The following MBNL1 variants were observed in gnomAD, a reference collection of about 807,000 sequenced individuals.
MBNL1 encodes muscleblind like splicing regulator 1, also known as muscleblind-like protein 1.
In MBNL1, 8 loss-of-function variants were observed where a neutral mutation model predicts 42.2. That is an observed-to-expected ratio of 0.19 (90% confidence interval 0.11 to 0.34). MBNL1 has a LOEUF of 0.34. MBNL1 is among the 10% of genes least tolerant of loss of function. The pLI is 1.00. For synonymous variants in MBNL1, 169 were observed against 173.9 expected (o/e 0.97, Z 0.22); for missense variants, 309 against 495.3 (o/e 0.62, Z 3.57).
intron 2 of MBNL1, among the ~76,000 whole-genome samples, chr3:152,325,345 T>A (rs2079101488): frequency 6.6e-6 from 1 of 151,988 alleles, no homozygotes; most frequent in South Asian, 2.1e-4. Flanking sequence ...TTCCACAGCC[T>A]ACGACTTACA....
intron 1 of MBNL1, among the ~76,000 whole-genome samples, chr3:152,283,215 C>G (rs1239078890): frequency 6.6e-6 from 1 of 152,162 alleles, no homozygotes; most frequent in Non-Finnish European, 1.5e-5. Context: ...GGGGAATGAG[C>G]TTTACTTGGT....
At chr3:152,447,535 T>G in intron 5 of MBNL1, 85 bp from the exon 6 acceptor site, 1 of 1,068,640 alleles carries the variant, frequency 9.4e-7, no homozygotes, top group Non-Finnish European at 1.3e-6. Context: ...TCATGCTTCC[T>G]AACAATTTTA....
chr3:152,426,510 A>G (rs577582845), intron 3 of MBNL1, among the ~76,000 whole-genome samples: 1 of 152,294 alleles, frequency 6.6e-6, no homozygotes, highest in South Asian at 2.1e-4. Flanking sequence ...TGCAACCTGG[A>G]GACCTCTGGT....
intron 2 of MBNL1, among the ~76,000 whole-genome samples, chr3:152,408,960 T>A (rs1223632645): frequency 6.6e-6 from 1 of 152,184 alleles, no homozygotes; most frequent in African/African-American, 2.4e-5. Context: ...ATTGTGAACA[T>A]CTTTTTAGGA....
chr3:152,318,873 A>G (rs1430267921), intron 2 of MBNL1, among the ~76,000 whole-genome samples: 3 of 152,200 alleles, frequency 2.0e-5, no homozygotes, highest in Non-Finnish European at 4.4e-5. Flanking sequence ...AAATTGTAAT[A>G]TCCTGCCTAT....
chr3:152,440,967 GT>G (rs1469792077), intron 4 of MBNL1, among the ~76,000 whole-genome samples: 5 of 152,118 alleles, frequency 3.3e-5, no homozygotes, highest in African/African-American at 4.8e-5. Flanking sequence ...CTTTGAATAC[GT>G]TTCTTAATAT....
intron 7 of MBNL1, 25 bp from the exon 8 acceptor site, chr3:152,456,242 G>A (rs775152673): frequency 4.6e-6 from 7 of 1,526,566 alleles, no homozygotes; most frequent in Non-Finnish European, 5.5e-6. Flanking sequence ...CTGTATGTTC[G>A]CTTATATGAT....
intron 2 of MBNL1, 110 bp from the exon 3 acceptor site, chr3:152,414,831 G>T: frequency 1.0e-6 from 1 of 1,002,366 alleles, no homozygotes. Context: ...ACAATGCATT[G>T]TGTGAAAAAC....
intron 2 of MBNL1, among the ~76,000 whole-genome samples, chr3:152,402,511 C>G (rs927994820): frequency 6.6e-6 from 1 of 152,130 alleles, no homozygotes; most frequent in Non-Finnish European, 1.5e-5. Flanking sequence ...CATGTCAACT[C>G]CTGGGACTGT....
chr3:152,357,371 C>T (rs2095603896), intron 2 of MBNL1, among the ~76,000 whole-genome samples: 1 of 152,184 alleles, frequency 6.6e-6, no homozygotes, highest in Non-Finnish European at 1.5e-5. Context: ...AAAGTTGTAG[C>T]ATCTGCCATG....
At position 152,299,917 on chromosome 3, in the gene MBNL1, T is replaced by A. The variant is rs2060034023; in HGVS notation, c.-277T>A. On this transcript the variant is annotated 5_prime_UTR_variant, in exon 2 of 10. Transcript: ENST00000324210. ...GCACAAGGCTGATACCAGGCCCTAC[T>A]TTTAAACGTTCATCTACTTACAATC... is the stretch of plus-strand genomic sequence containing the variant. 2.3e-6 allele frequency: 1 copy of A among 436,716 alleles called. No homozygotes were observed. Among genetic ancestry groups the A allele is most frequent in the Admixed American group, 4.2e-5 (1 of 23,894 alleles). The allele number at this position is 436,716 out of a possible 1,614,324, so 27.1% of individuals were successfully genotyped here.
chr3:152,281,889 G>A (rs2150382930), intron 1 of MBNL1, among the ~76,000 whole-genome samples: 1 of 152,212 alleles, frequency 6.6e-6, no homozygotes, highest in South Asian at 2.1e-4. Context: ...ACATTCACTT[G>A]GAGATTTCCG....
chr3:152,389,764 G>C (rs115744895), intron 2 of MBNL1, among the ~76,000 whole-genome samples: 1 of 152,096 alleles, frequency 6.6e-6, no homozygotes, highest in South Asian at 2.1e-4. Context: ...GAATGTGAAG[G>C]CCTCAGAGAT....
At chr3:152,265,195 T>C (rs2036990046), upstream of MBNL1, 1 of 152,228 alleles carries the variant, frequency 6.6e-6, no homozygotes. Context: ...CAACTTTTGA[T>C]TGCCTTTTAG....
In MBNL1 at chr3:152,255,263, T is replaced by C. The variant is rs188939311; in HGVS notation, n.333+10823T>C. Among the ~76,000 whole-genome samples, 308 of 152,166 alleles carry C rather than the reference T, an allele frequency of 2.0e-3. 5 individuals carry two copies. Among genetic ancestry groups the C allele is most frequent in the Non-Finnish European group, 6.9e-4 (47 of 67,996 alleles). On this transcript the variant is annotated intron_variant and non_coding_transcript_variant, in intron 2 of 2. Coordinates refer to the MBNL1 transcript ENST00000477171. ...AGCTGAACTATTGAAATTGTTTCAT[T>C]AGGTGGAGAAAAGTTGTGATAATAA...
At chr3:152,323,450 C>T (rs2077561243) in intron 2 of MBNL1, among the ~76,000 whole-genome samples, 1 of 151,962 alleles carries the variant, frequency 6.6e-6, no homozygotes, top group African/African-American at 2.4e-5. Flanking sequence ...TATATATGTA[C>T]ACACACGTGC....
intron 1 of MBNL1, among the ~76,000 whole-genome samples, chr3:152,273,594 C>T (rs952089036): frequency 6.6e-6 from 1 of 152,032 alleles, no homozygotes; most frequent in Non-Finnish European, 1.5e-5. Flanking sequence ...TGATTATGTT[C>T]TCTAGGTTAC....
At chr3:152,295,794 A>T (rs1229841397) in intron 1 of MBNL1, among the ~76,000 whole-genome samples, 2 of 152,266 alleles carry the variant, frequency 1.3e-5, no homozygotes, top group Non-Finnish European at 2.9e-5. Context: ...ACAGGGAGTT[A>T]GCATGTAACA....
In MBNL1 at chr3:152,316,675, T is replaced by G. The variant is rs144589557; in HGVS notation, c.174+16308T>G. On this transcript the variant is annotated intron_variant, in intron 2 of 9. Transcript: ENST00000324210. The stretch of plus-strand genomic sequence containing the variant: ...ATTTTAAAAGCTGTGTGCCTCTGAT[T>G]AACAACCATTCCTTTAATACTGCTG... Among the ~76,000 whole-genome samples, 128 of 152,236 alleles carry G rather than the reference T, an allele frequency of 8.4e-4. 4 individuals carry two copies. In the East Asian group the frequency reaches 0.022, roughly 26 times the overall value.
Sources: gnomAD v4.1 joint callset for allele counts (sites outside exome capture counted in the v4.1 genomes callset) on GRCh38, gnomAD v4.1.1 for gene constraint, MANE v1.5 for transcripts, NCBI Gene and HGNC (gene_info 2026-07-23, HGNC 2026-07-21) for gene names.